Variants in FRYL observed in about 807,000 individuals in gnomAD.
FRYL encodes protein furry homolog-like.
Under a neutral mutation model 351.2 loss-of-function variants are expected in FRYL, and 150 were observed. The observed-to-expected ratio is 0.43, with a 90% CI of 0.37 to 0.49. The LOEUF is 0.49. FRYL is among the 20% of genes least tolerant of loss of function. The pLI is 0.00. For missense variants in FRYL, 3,036 were observed against 3,619.3 expected (o/e 0.84, Z 4.13); for synonymous variants, 1,153 against 1,257.1 (o/e 0.92, Z 1.75).
At chr4:48,724,831 G>A (rs987733296) in intron 1 of FRYL, among the ~76,000 whole-genome samples, 2 of 152,182 alleles carry the variant, frequency 1.3e-5, no homozygotes, top group African/African-American at 4.8e-5. Context: ...AGGGAAACTT[G>A]TTGCCTTCAG....
At chr4:48,662,760 C>T (rs12498463) in intron 3 of FRYL, among the ~76,000 whole-genome samples, 139,954 of 142,202 alleles carry the variant, frequency 0.98, 68,897 homozygotes, top group Middle Eastern at 1. Flanking sequence ...ATCTCATCTC[C>T]TGAAGAAAAA....
intron 47 of FRYL, among the ~76,000 whole-genome samples, chr4:48,537,838 G>C (rs1266571244): frequency 6.6e-6 from 1 of 152,182 alleles, no homozygotes; most frequent in Non-Finnish European, 1.5e-5. Context: ...TTAGCAGGCA[G>C]TAATCATTCA....
At chr4:48,768,215 T>A (rs1291635613) in intron 1 of FRYL, among the ~76,000 whole-genome samples, 1 of 152,166 alleles carries the variant, frequency 6.6e-6, no homozygotes, top group East Asian at 1.9e-4. Flanking sequence ...GGTGCCCAAC[T>A]AAGTAGATTT....
rs190154273 is a variant in FRYL at position 48,593,020 on chromosome 4, A to T, written c.1335+910T>A. ...GAATTAATTTATGAAATATTTTGAA[A>T]AATCCTGAAAATCTAATGTCTAAAG... is the stretch of plus-strand genomic sequence containing the variant. On this transcript the variant is annotated intron_variant, in intron 16 of 63. Transcript: ENST00000358350. 2.6e-5 allele frequency among the ~76,000 whole-genome samples: 4 copies of T among 152,310 alleles called. No individual in the cohort carries two copies. The East Asian group carries it at 7.7e-4, about 29-fold the overall frequency.
chr4:48,661,031 T>A (rs573623114), intron 3 of FRYL, among the ~76,000 whole-genome samples: 1 of 152,178 alleles, frequency 6.6e-6, no homozygotes, highest in African/African-American at 2.4e-5. Context: ...AAATAAAATA[T>A]GAGCTTTTGT....
At chr4:48,639,960 C>T (rs1195680141) in intron 3 of FRYL, among the ~76,000 whole-genome samples, 1 of 152,090 alleles carries the variant, frequency 6.6e-6, no homozygotes, top group Admixed American at 6.6e-5. Flanking sequence ...AACAATGATA[C>T]ACTACTACAT....
rs373322482 is a variant in FRYL, at chr4:48,591,679, C to G, written c.1336-849G>C. 2.5e-4 allele frequency among the ~76,000 whole-genome samples: 38 copies of G among 152,244 alleles called. No individual in the cohort carries two copies. The South Asian group carries it at 4.2e-3, about 17-fold the overall frequency. ...TAAATGTTAGACTGCTTCAAGGCAACGTTCTCCTGGGCTGCCTTCTCCTAT... is the reference window on the plus strand; with the variant it reads ...TAAATGTTAGACTGCTTCAAGGCAAGGTTCTCCTGGGCTGCCTTCTCCTAT... On this transcript the variant is annotated intron_variant, in intron 16 of 63. Transcript: ENST00000358350.
intron 17 of FRYL, 134 bp from the exon 18 acceptor site, chr4:48,590,011 T>A: frequency 1.4e-6 from 1 of 702,096 alleles, no homozygotes; most frequent in East Asian, 2.7e-5. Context: ...CTGTGACATA[T>A]TCTTCTCCCT....
At chr4:48,514,993 C>T in intron 56 of FRYL, 35 bp downstream of exon 56, 1 of 1,562,936 alleles carries the variant, frequency 6.4e-7, no homozygotes, top group East Asian at 2.3e-5. Flanking sequence ...AGAGATTATC[C>T]CCTCACTACA....
At chr4:48,562,076 C>T (rs1371845475) in intron 32 of FRYL, among the ~76,000 whole-genome samples, 11 of 152,038 alleles carry the variant, frequency 7.2e-5, no homozygotes, top group Admixed American at 7.2e-4. Flanking sequence ...TTACATTCCT[C>T]GTATTTAATG....
rs1325863492 is a variant in FRYL, at chr4:48,557,159, C to A, written c.4126-41G>T. Reference sequence around the variant, plus strand: ...ACAAAAGATACTTCAGTCATGACTGCCTATTATAAAAACCAAACTTGTCAT... The same window carrying A: ...ACAAAAGATACTTCAGTCATGACTGACTATTATAAAAACCAAACTTGTCAT... On this transcript the variant is annotated intron_variant, in intron 34 of 63. Coordinates refer to ENST00000358350, the MANE Select transcript of FRYL (RefSeq NM_015030.2). 2.6e-6 allele frequency: 4 copies of A among 1,542,108 alleles called. No individual in the cohort carries two copies. The South Asian group carries it at 5.1e-5, about 20-fold the overall frequency.
chr4:48,634,975 T>C (rs2149373760), intron 3 of FRYL, among the ~76,000 whole-genome samples: 1 of 152,246 alleles, frequency 6.6e-6, no homozygotes, highest in South Asian at 2.1e-4. Flanking sequence ...AAGCTACACT[T>C]AAACTCAGGC....
intron 7 of FRYL, among the ~76,000 whole-genome samples, chr4:48,617,188 T>C (rs533910507): frequency 1.3e-5 from 2 of 152,010 alleles, no homozygotes; most frequent in East Asian, 3.9e-4. Context: ...AAGGATACTA[T>C]AGGTTGGAAT....
chr4:48,701,439 C>A (rs1578763353), intron 2 of FRYL, among the ~76,000 whole-genome samples: 1 of 151,854 alleles, frequency 6.6e-6, no homozygotes, highest in Non-Finnish European at 1.5e-5. Context: ...AATCACTTAA[C>A]CTCATTTATA....
intron 3 of FRYL, chr4:48,645,953 C>T (rs1756381422): frequency 1.3e-5 from 2 of 152,124 alleles, no homozygotes; most frequent in Admixed American, 6.6e-5. Flanking sequence ...CTAACCTTAT[C>T]TTCAACGATA....
chr4:48,693,158 T>C (rs1051299957), intron 2 of FRYL, among the ~76,000 whole-genome samples: 1 of 152,250 alleles, frequency 6.6e-6, no homozygotes, highest in Non-Finnish European at 1.5e-5. Context: ...TATTTCTTGG[T>C]ACAATTGCTT....
chr4:48,769,000 G>A (rs192408486), intron 1 of FRYL, among the ~76,000 whole-genome samples: 2 of 152,212 alleles, frequency 1.3e-5, no homozygotes, highest in Non-Finnish European at 2.9e-5. Context: ...TGGGCATGGT[G>A]GTGGTGCAGG....
intron 53 of FRYL, 54 bp from the exon 54 acceptor site, chr4:48,523,158 C>A: frequency 1.6e-6 from 2 of 1,216,520 alleles, no homozygotes; most frequent in Non-Finnish European, 2.4e-6. Flanking sequence ...TCTAAATGTA[C>A]TAAATGTAAT....
At chr4:48,605,619 G>T in intron 11 of FRYL, 122 bp downstream of exon 11, 1 of 679,006 alleles carries the variant, frequency 1.5e-6, no homozygotes, top group Non-Finnish European at 2.6e-6. Context: ...CAAATGAGAC[G>T]AGCCTTCCCA....
Sources: gnomAD v4.1 joint callset for allele counts (sites outside exome capture counted in the v4.1 genomes callset) on GRCh38, gnomAD v4.1.1 for gene constraint, MANE v1.5 for transcripts, NCBI Gene and HGNC (gene_info 2026-07-23, HGNC 2026-07-21) for gene names.